The following ATG7 variants were observed in gnomAD, a reference collection of about 807,000 sequenced individuals.
The protein encoded by ATG7 is autophagy related 7.
ATG7 carries 70 observed loss-of-function variants against 82.4 expected under a neutral mutation model. The observed-to-expected ratio is 0.85, with a 90% CI of 0.70 to 1.04. The LOEUF is 1.04. Among genes scored for constraint, ATG7 ranks in the 50% least tolerant of loss-of-function variants. The pLI is 0.00. For missense variants in ATG7, 792 were observed against 864.3 expected, an observed-to-expected ratio of 0.92 and a Z score of 1.05; for synonymous variants, 287 against 313.0, an observed-to-expected ratio of 0.92 and a Z score of 0.88.
intron 20 of ATG7, among the ~76,000 whole-genome samples, chr3:11,436,681 T>TG (rs2152959559): frequency 6.6e-6 from 1 of 152,322 alleles, no homozygotes; most frequent in Admixed American, 6.5e-5. Context: ...AGCTGATGAA[T>TG]GGATGGATAA....
downstream of ATG7, among the ~76,000 whole-genome samples, chr3:11,560,614 ATCC>A (rs1362990339): frequency 6.6e-6 from 1 of 152,224 alleles, no homozygotes; most frequent in East Asian, 1.9e-4. Context: ...GAAAATGTGG[ATCC>A]ACAAGGATGA....
At chr3:11,379,902 C>T in intron 18 of ATG7, 70 bp from the exon 19 acceptor site, 1 of 1,466,710 alleles carries the variant, frequency 6.8e-7, no homozygotes. Context: ...TTGTCAGAAA[C>T]CAGACGTGCA....
chr3:11,562,651 G>A (rs917539770), downstream of ATG7, among the ~76,000 whole-genome samples: 2 of 152,250 alleles, frequency 1.3e-5, no homozygotes. Flanking sequence ...CCTCAGCCCC[G>A]CCACGCTGCC....
chr3:11,392,125 T>C (rs1230486518), intron 19 of ATG7, among the ~76,000 whole-genome samples: 2 of 152,202 alleles, frequency 1.3e-5, no homozygotes, highest in Non-Finnish European at 2.9e-5. Context: ...TTGAAAGTCA[T>C]GTGGGCTAGA....
intron 20 of ATG7, among the ~76,000 whole-genome samples, chr3:11,542,925 C>T (rs2070954841): frequency 6.6e-6 from 1 of 152,160 alleles, no homozygotes; most frequent in South Asian, 2.1e-4. Flanking sequence ...CAGTTGCAGC[C>T]CTGAGCATCT....
intron 20 of ATG7, among the ~76,000 whole-genome samples, chr3:11,453,959 G>C (rs776582619): frequency 3.3e-5 from 5 of 152,108 alleles, no homozygotes; most frequent in Non-Finnish European, 5.9e-5. Context: ...AATTATCTAG[G>C]AAAAAGCAGA....
At position 11,467,531 on chromosome 3, in the gene ATG7, G is replaced by T. The variant is rs1044234774; in HGVS notation, c.2079+40605G>T. The stretch of plus-strand genomic sequence containing the variant: ...AGCTGGATTATAGGCATCCACCATC[G>T]TGCCTGACTAATTTTTGTATTTTTA... On this transcript the variant is annotated intron_variant, in intron 20 of 20. Coordinates refer to ENST00000693202, the MANE Select transcript of ATG7 (RefSeq NM_001349232.2). 3.3e-5 allele frequency among the ~76,000 whole-genome samples: 5 copies of T among 152,104 alleles called. No individual in the cohort carries two copies. The East Asian group carries it at 9.7e-4, about 29-fold the overall frequency.
Position 11,383,931 on chromosome 3 carries a change from G to A in ATG7, c.1956+3879G>A, listed in dbSNP as rs151224307. Among the ~76,000 whole-genome samples the A allele has an allele frequency of 4.9e-3, 747 of 152,144 alleles. 4 individuals carry two copies. Among genetic ancestry groups the A allele is most frequent in the Non-Finnish European group, 7.9e-3 (538 of 67,988 alleles). On this transcript the variant is annotated intron_variant, in intron 19 of 20. Transcript: ENST00000693202. Reference sequence around the variant, plus strand: ...AATGTATGAATCTTAAAACAACTCCGTAAGTTTTAACAAATGTATACACCC... The same window carrying A: ...AATGTATGAATCTTAAAACAACTCCATAAGTTTTAACAAATGTATACACCC...
At chr3:11,558,394 T>C, downstream of ATG7, 2 of 1,221,638 alleles carry the variant, frequency 1.6e-6, no homozygotes, top group Non-Finnish European at 2.2e-6. Flanking sequence ...ACCAAGCAAG[T>C]ACAAAAACAG....
chr3:11,483,706 G>T (rs913082904), intron 20 of ATG7, among the ~76,000 whole-genome samples: 1 of 152,130 alleles, frequency 6.6e-6, no homozygotes, highest in Non-Finnish European at 1.5e-5. Context: ...TTATTATATT[G>T]ACACTGGAGC....
At chr3:11,503,755 CAAAAAA>C (rs34065629) in intron 20 of ATG7, among the ~76,000 whole-genome samples, 15 of 76,966 alleles carry the variant, frequency 1.9e-4, no homozygotes, top group Admixed American at 4.9e-4. Context: ...GACTCTGTCT[CAAAAAA>C]AAAAAAAAAA....
the ATG7 span, among the ~76,000 whole-genome samples, chr3:11,574,893 A>G: frequency 3.3e-5 from 5 of 151,558 alleles, no homozygotes; most frequent in South Asian, 1.0e-3. Context: ...AAGCCAGGAA[A>G]AAGAGCCCCA....
At chr3:11,574,729 C>G in the ATG7 span, among the ~76,000 whole-genome samples, 2 of 150,640 alleles carry the variant, frequency 1.3e-5, no homozygotes, top group South Asian at 2.1e-4. Flanking sequence ...TGACACATGT[C>G]GAAACTTCAC....
At chr3:11,522,429 G>T (rs1285455912) in intron 20 of ATG7, among the ~76,000 whole-genome samples, 1 of 152,084 alleles carries the variant, frequency 6.6e-6, no homozygotes, top group Non-Finnish European at 1.5e-5. Flanking sequence ...CTTGCTAGGG[G>T]ACACTGGGGA....
downstream of ATG7, among the ~76,000 whole-genome samples, chr3:11,562,108 G>C (rs2073074251): frequency 6.6e-6 from 1 of 152,020 alleles, no homozygotes; most frequent in Non-Finnish European, 1.5e-5. Flanking sequence ...ATGTTGGCCA[G>C]GCTGGTCTCG....
intron 20 of ATG7, among the ~76,000 whole-genome samples, chr3:11,460,223 C>G (rs1185192377): frequency 1.3e-5 from 2 of 152,226 alleles, no homozygotes; most frequent in African/African-American, 4.8e-5. Context: ...AATCTAGGCT[C>G]TATCTGAACC....
chr3:11,368,507 C>A (rs936699273), intron 18 of ATG7, among the ~76,000 whole-genome samples: 1 of 152,006 alleles, frequency 6.6e-6, no homozygotes, highest in African/African-American at 2.4e-5. Context: ...AATGAGGTGA[C>A]AAGGCTAGGC....
At chr3:11,404,933 A>G (rs2152902665) in intron 19 of ATG7, among the ~76,000 whole-genome samples, 1 of 152,276 alleles carries the variant, frequency 6.6e-6, no homozygotes, top group Non-Finnish European at 1.5e-5. Flanking sequence ...GGGAGCTACA[A>G]TTCAAGATGA....
chr3:11,406,695 G>C (rs1175489569), intron 19 of ATG7, among the ~76,000 whole-genome samples: 1 of 152,192 alleles, frequency 6.6e-6, no homozygotes, highest in Non-Finnish European at 1.5e-5. Context: ...GGAAGGTAAG[G>C]AGGAGCAAGT....
Sources: allele counts gnomAD v4.1 joint callset (sites outside exome capture counted in the v4.1 genomes callset), GRCh38; gene constraint gnomAD v4.1.1; transcripts MANE v1.5; gene names NCBI Gene and HGNC (gene_info 2026-07-23, HGNC 2026-07-21).